Variants in ZFPM2 observed in about 807,000 individuals in gnomAD.
ZFPM2 encodes zinc finger protein ZFPM2.
ZFPM2 carries 20 observed loss-of-function variants against 98.6 expected under a neutral mutation model. The observed-to-expected ratio is 0.20, with a 90% CI of 0.14 to 0.29. The LOEUF (loss-of-function observed/expected upper bound fraction) is 0.29. Ranked by LOEUF, ZFPM2 falls within the 10% of genes least tolerant of loss-of-function variation. The pLI, the probability that ZFPM2 is intolerant of heterozygous loss-of-function variation, is 1.00. For missense variants in ZFPM2, 1,310 were observed against 1,388.6 expected (o/e 0.94, Z 0.90); for synonymous variants, 518 against 502.7 (o/e 1.03, Z -0.41).
intron 1 of ZFPM2, among the ~76,000 whole-genome samples, chr8:105,417,778 C>CAAA (rs1353843884): frequency 1.3e-5 from 2 of 152,104 alleles, no homozygotes; most frequent in Admixed American, 1.3e-4. Context: ...GTTCTTTTAA[C>CAAA]CTTCTACCTT....
chr8:105,560,160 ACT>A (rs1306372996), intron 3 of ZFPM2, among the ~76,000 whole-genome samples: 1 of 141,490 alleles, frequency 7.1e-6, no homozygotes, highest in Non-Finnish European at 1.5e-5. Flanking sequence ...CAAGAGCGAA[ACT>A]CTGTCTCAAA....
chr8:105,525,148 C>T (rs1281948024), intron 3 of ZFPM2, among the ~76,000 whole-genome samples: 2 of 152,136 alleles, frequency 1.3e-5, no homozygotes, highest in Non-Finnish European at 2.9e-5. Flanking sequence ...CAAACTGAAA[C>T]GTACACACAG....
intron 4 of ZFPM2, among the ~76,000 whole-genome samples, chr8:105,562,615 G>A (rs1815163902): frequency 1.3e-5 from 2 of 152,098 alleles, no homozygotes; most frequent in Non-Finnish European, 2.9e-5. Context: ...AGGGCTGCCC[G>A]TGGCCCTTCC....
chr8:105,674,544 T>C (rs1817653472), intron 5 of ZFPM2, among the ~76,000 whole-genome samples: 2 of 152,222 alleles, frequency 1.3e-5, no homozygotes, highest in African/African-American at 4.8e-5. Context: ...TTTCTCCTCA[T>C]TGCCTTTTTG....
At chr8:105,522,749 T>C (rs1814090690) in intron 3 of ZFPM2, among the ~76,000 whole-genome samples, 1 of 124,876 alleles carries the variant, frequency 8.0e-6, no homozygotes. Context: ...ACTCCATCTT[T>C]CAAAAAAAAA....
At chr8:105,689,500 A>G (rs1381657353) in intron 5 of ZFPM2, among the ~76,000 whole-genome samples, 2 of 152,140 alleles carry the variant, frequency 1.3e-5, no homozygotes, top group Non-Finnish European at 2.9e-5. Flanking sequence ...TTTTTTGTTG[A>G]TGGAAATAAC....
intron 3 of ZFPM2, among the ~76,000 whole-genome samples, chr8:105,535,237 C>A (rs1339459104): frequency 2.0e-5 from 3 of 152,098 alleles, no homozygotes; most frequent in Non-Finnish European, 4.4e-5. Flanking sequence ...CCCAAGTAAC[C>A]TTTGTGTTTC....
chr8:105,512,754 A>G (rs1045385743), intron 3 of ZFPM2, among the ~76,000 whole-genome samples: 67 of 152,234 alleles, frequency 4.4e-4, no homozygotes, highest in African/African-American at 1.5e-3. Flanking sequence ...TTAATTGGTC[A>G]AATAACTGTA....
chr8:105,516,045 C>T lies in ZFPM2; in HGVS notation c.302-45318C>T, dbSNP rs142831723. On this transcript the variant is annotated intron_variant, in intron 3 of 7. Transcript: ENST00000407775. ...GGTCCGAGCAATTCTCTTGCCTCAG[C>T]CTCCAGAGTACCTGGGATTGCAGGC... Among the ~76,000 whole-genome samples the T allele has an allele frequency of 2.0e-5, 3 of 151,132 alleles. No homozygotes were observed. In the East Asian group the frequency reaches 5.9e-4, roughly 30 times the overall value.
chr8:105,624,799 C>A (rs897584508), intron 4 of ZFPM2, among the ~76,000 whole-genome samples: 2 of 152,030 alleles, frequency 1.3e-5, no homozygotes, highest in Non-Finnish European at 2.9e-5. Flanking sequence ...GAACTAAAAG[C>A]AAATATACCT....
At chr8:105,775,469 C>T (rs1339957216) in intron 5 of ZFPM2, among the ~76,000 whole-genome samples, 1 of 152,080 alleles carries the variant, frequency 6.6e-6, no homozygotes, top group Non-Finnish European at 1.5e-5. Context: ...AGATTTCCTC[C>T]CTTCTGCTCC....
chr8:105,528,237 C>G (rs1345234344), intron 3 of ZFPM2, among the ~76,000 whole-genome samples: 1 of 151,780 alleles, frequency 6.6e-6, no homozygotes, highest in Non-Finnish European at 1.5e-5. Context: ...GGGGTGGGCT[C>G]TAAGATTCTG....
chr8:105,745,253 A>C (rs1481434354), intron 5 of ZFPM2, among the ~76,000 whole-genome samples: 1 of 152,120 alleles, frequency 6.6e-6, no homozygotes. Context: ...TCAGTTTAGC[A>C]CTTCTCAATA....
intron 2 of ZFPM2, among the ~76,000 whole-genome samples, chr8:105,426,819 C>G (rs1218375041): frequency 6.6e-6 from 1 of 151,306 alleles, no homozygotes; most frequent in Non-Finnish European, 1.5e-5. Flanking sequence ...AAAATACAGG[C>G]AGTGGTACAC....
chr8:105,319,093 C>A, intron 1 of ZFPM2, 112 bp downstream of exon 1: 1 of 1,264,680 alleles, frequency 7.9e-7, no homozygotes, highest in South Asian at 1.8e-5. Flanking sequence ...CGCTCCCGGT[C>A]CCCTAGATGT....
chr8:105,360,295 G>A (rs563995568), intron 1 of ZFPM2, among the ~76,000 whole-genome samples: 142 of 152,116 alleles, frequency 9.3e-4, no homozygotes, highest in Non-Finnish European at 1.6e-3. Context: ...CATTTCTTGA[G>A]ATCTTTAACT....
At chr8:105,417,210 A>G (rs966907703) in intron 1 of ZFPM2, among the ~76,000 whole-genome samples, 3 of 152,160 alleles carry the variant, frequency 2.0e-5, no homozygotes, top group Non-Finnish European at 4.4e-5. Flanking sequence ...TGGAAACCTT[A>G]TTCTAGTTAA....
rs548754445 is a variant in ZFPM2 at position 105,782,999 on chromosome 8, G to T, written c.533-5719G>T. 3.9e-5 allele frequency among the ~76,000 whole-genome samples: 6 copies of T among 151,948 alleles called. No homozygotes were observed. The East Asian group carries it at 9.7e-4, about 25-fold the overall frequency. On this transcript the variant is annotated intron_variant, in intron 5 of 7. Transcript: ENST00000407775. The stretch of plus-strand genomic sequence containing the variant: ...ACAGGCAGAAACTCAGATCAATCAA[G>T]TAACCAGGAACTAAATTGTTCAAAA...
intron 4 of ZFPM2, among the ~76,000 whole-genome samples, chr8:105,598,425 G>T (rs554218326): frequency 6.6e-6 from 1 of 152,118 alleles, no homozygotes; most frequent in Non-Finnish European, 1.5e-5. Context: ...TTTAAACTTA[G>T]AATATATGCT....
Sources: gnomAD v4.1 joint callset for allele counts (sites outside exome capture counted in the v4.1 genomes callset) on GRCh38, gnomAD v4.1.1 for gene constraint, MANE v1.5 for transcripts, NCBI Gene and HGNC (gene_info 2026-07-23, HGNC 2026-07-21) for gene names.